The following CSNK1G2 variants were observed in gnomAD, a reference collection of about 807,000 sequenced individuals.
CSNK1G2 encodes casein kinase I isoform gamma-2.
In CSNK1G2, 11 loss-of-function variants were observed where a neutral mutation model predicts 48.0. That is an observed-to-expected ratio of 0.23 (90% CI 0.14 to 0.38). The LOEUF (loss-of-function observed/expected upper bound fraction) is 0.38. Ranked by LOEUF, CSNK1G2 falls within the 10% of genes least tolerant of loss-of-function variation. CSNK1G2 has a pLI of 1.00. For synonymous variants in CSNK1G2, 337 were observed against 254.1 expected (o/e 1.33, Z -3.10); for missense variants, 446 against 595.5 (o/e 0.75, Z 2.61).
At chr19:1,972,458 T>G (rs566805479) in intron 2 of CSNK1G2, among the ~76,000 whole-genome samples, 1 of 152,352 alleles carries the variant, frequency 6.6e-6, no homozygotes, top group South Asian at 2.1e-4. Flanking sequence ...TATCTTTGAT[T>G]TAAAATATTG....
intron 1 of CSNK1G2, among the ~76,000 whole-genome samples, chr19:1,955,071 G>A (rs1004219289): frequency 2.0e-5 from 3 of 152,156 alleles, no homozygotes; most frequent in Admixed American, 2.0e-4. Flanking sequence ...GCACCCCCTG[G>A]GGTTCGGAGA....
At chr19:1,949,596 C>T (rs532947927) in intron 1 of CSNK1G2, among the ~76,000 whole-genome samples, 3 of 152,332 alleles carry the variant, frequency 2.0e-5, no homozygotes, top group East Asian at 3.9e-4. Flanking sequence ...GTCCGGTTCC[C>T]GTGTGGCTGC....
intron 1 of CSNK1G2, chr19:1,953,894 C>T (rs1367406117): frequency 3.7e-6 from 2 of 534,056 alleles, no homozygotes; most frequent in African/African-American, 3.8e-5. Flanking sequence ...GCTGCGTTCT[C>T]AGAGGCCGGC....
chr19:1,948,794 C>T (rs931638193), intron 1 of CSNK1G2, among the ~76,000 whole-genome samples: 6 of 152,202 alleles, frequency 3.9e-5, no homozygotes, highest in South Asian at 4.1e-4. Context: ...ATGCCGCTGC[C>T]GACAGCCTGC....
At chr19:1,947,864 C>T (rs982950054) in intron 1 of CSNK1G2, among the ~76,000 whole-genome samples, 2 of 152,190 alleles carry the variant, frequency 1.3e-5, no homozygotes, top group African/African-American at 4.8e-5. Context: ...ACCGTGGCTG[C>T]CCCATGAGTT....
chr19:1,979,153 G>C lies in CSNK1G2; in HGVS notation c.683-10G>C, dbSNP rs2015875446. 6.5e-7 allele frequency: 1 copy of C among 1,533,084 alleles called. No homozygotes were observed. The highest frequency in any genetic ancestry group is 8.8e-7 in the Non-Finnish European group (1 of 1,141,978). The allele number at this position is 1,533,084 out of a possible 1,614,324, so 95.0% of individuals were successfully genotyped here. Reference sequence around the variant, plus strand: ...CGGACCCCGCTGAGGCTGCGCCCCTGTCCCCGCAGAGCAGAGCCGCCGCGA... The same window carrying C: ...CGGACCCCGCTGAGGCTGCGCCCCTCTCCCCGCAGAGCAGAGCCGCCGCGA... On this transcript the variant is annotated splice_polypyrimidine_tract_variant and intron_variant, in intron 6 of 11. Transcript: ENST00000255641.
intron 1 of CSNK1G2, chr19:1,954,119 A>G (rs1279919681): frequency 2.5e-6 from 1 of 401,852 alleles, no homozygotes; most frequent in East Asian, 6.2e-5. Context: ...TCTCTTTTGC[A>G]CCTGATGCGT....
chr19:1,946,497 T>C (rs2014568802), intron 1 of CSNK1G2, among the ~76,000 whole-genome samples: 2 of 151,138 alleles, frequency 1.3e-5, no homozygotes, highest in South Asian at 4.2e-4. Flanking sequence ...TTCACCGTGT[T>C]AGCCAGGATG....
At chr19:1,945,519 A>G (rs1273595716) in intron 1 of CSNK1G2, among the ~76,000 whole-genome samples, 1 of 152,154 alleles carries the variant, frequency 6.6e-6, no homozygotes, top group Non-Finnish European at 1.5e-5. Context: ...GCGTGACATC[A>G]TGTTGAAAAC....
At position 1,943,144 on chromosome 19, in the gene CSNK1G2, A is replaced by G. The variant is rs116751244; in HGVS notation, c.-266+1726A>G. On this transcript the variant is annotated intron_variant, in intron 1 of 11. Transcript: ENST00000255641. ...GTCCTGCAGGACCGTGCAGCGGGCA[A>G]ATGGGGTGAGATGTTGGAGGAGCTG... Among the ~76,000 whole-genome samples, 452 of 152,304 alleles carry G rather than the reference A, an allele frequency of 3.0e-3. 3 individuals carry two copies. Among genetic ancestry groups the G allele is most frequent in the African/African-American group, 8.2e-3 (340 of 41,566 alleles).
chr19:1,969,296 C>G (rs936483715), intron 1 of CSNK1G2, among the ~76,000 whole-genome samples: 6 of 150,634 alleles, frequency 4.0e-5, no homozygotes, highest in Non-Finnish European at 7.4e-5. Flanking sequence ...CGTCCCCAGG[C>G]AGCCACGCCG....
rs75943602 is a variant in CSNK1G2, at chr19:1,950,776, A to G, written c.-266+9358A>G. Among the ~76,000 whole-genome samples the G allele has an allele frequency of 1.2e-4, 18 of 145,586 alleles. 4 individuals carry two copies. The East Asian group carries it at 3.4e-3, about 28-fold the overall frequency. On this transcript the variant is annotated intron_variant, in intron 1 of 11. Transcript: ENST00000255641. Reference sequence around the variant, plus strand: ...TCCCTCCAGCCAGTGTCAGGTGGGGACCTGGCCGCTGGAAGGGAGGTGTCA... The same window carrying G: ...TCCCTCCAGCCAGTGTCAGGTGGGGGCCTGGCCGCTGGAAGGGAGGTGTCA...
At position 1,953,924 on chromosome 19, in the gene CSNK1G2, G is replaced by A. The variant is rs762299516; in HGVS notation, c.-266+12506G>A. ...GCCGGCTGTCCTCGTGGGCGTCTCC[G>A]GTGCAGTCGGCGCGGTGAGGTTGGC... On this transcript the variant is annotated intron_variant, in intron 1 of 11. Transcript: ENST00000255641. 9 of 533,986 alleles carry A rather than the reference G, an allele frequency of 1.7e-5. No homozygotes were observed. In the East Asian group the frequency reaches 2.2e-4, roughly 13 times the overall value. 33.1% of individuals were successfully genotyped at this position (533,986 alleles called of 1,614,324 possible). A position where few individuals can be genotyped will look rare whatever the true frequency, so the allele number is the denominator to read the frequency against.
At position 1,957,641 on chromosome 19, in the gene CSNK1G2, C is replaced by T. The variant is rs1291652916; in HGVS notation, c.-265-11867C>T. 6.6e-6 allele frequency among the ~76,000 whole-genome samples: 1 copy of T among 152,198 alleles called. No homozygotes were observed. Among genetic ancestry groups the T allele is most frequent in the Non-Finnish European group, 1.5e-5 (1 of 68,024 alleles). ...CACAGGCTAGGCCACTTTCACAGCTCACCACACAGGCAGAGACTGGAGGGT... is the reference window on the plus strand; with the variant it reads ...CACAGGCTAGGCCACTTTCACAGCTTACCACACAGGCAGAGACTGGAGGGT... On this transcript the variant is annotated intron_variant, in intron 1 of 11. Coordinates refer to ENST00000255641, the MANE Select transcript of CSNK1G2 (RefSeq NM_001319.7). The surrounding 1 kb of genome is among the most constrained non-coding windows in gnomAD (Gnocchi z 5.4).
chr19:1,972,060 C>T (rs1191545537), intron 2 of CSNK1G2, among the ~76,000 whole-genome samples: 2 of 152,186 alleles, frequency 1.3e-5, no homozygotes, highest in Admixed American at 6.5e-5. Context: ...TGAGCCACTG[C>T]GCCCGGCCTG....
At chr19:1,945,453 G>T (rs1414413571) in intron 1 of CSNK1G2, among the ~76,000 whole-genome samples, 2 of 152,224 alleles carry the variant, frequency 1.3e-5, no homozygotes, top group Non-Finnish European at 2.9e-5. Context: ...TCACCCTCAG[G>T]CGTGCTCCTG....
At chr19:1,963,049 T>A (rs1447790977) in intron 1 of CSNK1G2, among the ~76,000 whole-genome samples, 1 of 151,820 alleles carries the variant, frequency 6.6e-6, no homozygotes, top group Non-Finnish European at 1.5e-5. Flanking sequence ...GACGCCAGGC[T>A]CAATGAGACA....
In CSNK1G2 at chr19:1,957,778, G is replaced by A. The variant is rs1298407181; in HGVS notation, c.-265-11730G>A. The stretch of plus-strand genomic sequence containing the variant: ...CTGGAAACACTGGGGTGTGTGCTCG[G>A]TGGGTGCCGTGTGTGGGGGGTATGT... On this transcript the variant is annotated intron_variant, in intron 1 of 11. Transcript: ENST00000255641. The surrounding 1 kb of genome is among the most constrained non-coding windows in gnomAD (Gnocchi z 5.4). Among the ~76,000 whole-genome samples, 1 of 151,958 alleles carries A rather than the reference G, an allele frequency of 6.6e-6. No homozygotes were observed. Among genetic ancestry groups the A allele is most frequent in the East Asian group, 1.9e-4 (1 of 5,172 alleles).
chr19:1,978,464 C>G lies in CSNK1G2; in HGVS notation c.251C>G (p.Pro84Arg), dbSNP rs759444878. The G allele has an allele frequency of 6.2e-7, 1 of 1,606,668 alleles. No homozygotes were observed. The highest frequency in any genetic ancestry group is 8.5e-7 in the Non-Finnish European group (1 of 1,177,254). Reference protein sequence around the residue: ...IKLEPIKSRAPQLHLEYRFYK... With the variant: ...IKLEPIKSRARQLHLEYRFYK... ...CAGGAGCCGATCAAGTCCCGGGCCC[C>G]GCAGCTGCACCTGGAGTACCGGTTC... is the stretch of plus-strand genomic sequence containing the variant. The change falls in exon 4 of 12, where the codon CCG becomes CGG. Residue 84 changes from proline to arginine, a missense_variant. Physicochemically the swap from Pro to Arg is moderately radical, Grantham distance 103 (BLOSUM62 -2). Transcript: ENST00000255641. The surrounding 1 kb of genome is among the most constrained non-coding windows in gnomAD (Gnocchi z 7.3).
Sources: allele counts gnomAD v4.1 joint callset (sites outside exome capture counted in the v4.1 genomes callset), GRCh38; gene constraint gnomAD v4.1.1; non-coding constraint Gnocchi (gnomAD v3.1); transcripts MANE v1.5; gene names NCBI Gene and HGNC (gene_info 2026-07-23, HGNC 2026-07-21).